Variants in MYOM1 observed in about 807,000 individuals in gnomAD.
MYOM1 encodes the protein myomesin-1.
A neutral mutation model predicts 205.3 loss-of-function variants in MYOM1; 164 were observed. The observed-to-expected ratio is 0.80, with a 90% CI of 0.70 to 0.91. MYOM1 has a LOEUF of 0.91. Ranked by LOEUF, MYOM1 falls within the 40% of genes least tolerant of loss-of-function variation. The probability of loss-of-function intolerance (pLI) is 0.00; values close to 1 mark genes in which losing one functional copy is unlikely to be tolerated. For missense variants in MYOM1, 2,011 were observed against 2,127.3 expected (o/e 0.95, Z 1.08); for synonymous variants, 772 against 789.4 (o/e 0.98, Z 0.37).
chr18:3,123,848 A>G (rs1266472122), intron 19 of MYOM1, among the ~76,000 whole-genome samples: 2 of 146,658 alleles, frequency 1.4e-5, no homozygotes, highest in Non-Finnish European at 3.0e-5. Context: ...TTGAGACAGG[A>G]TCTCGCTCTG....
chr18:3,086,086 A>C lies in MYOM1; in HGVS notation c.4203T>G (p.Asp1401Glu). The C allele has an allele frequency of 1.2e-6, 2 of 1,611,984 alleles. No individual in the cohort carries two copies. The highest frequency in any genetic ancestry group is 1.7e-4 in the Middle Eastern group (1 of 6,058). The change falls in exon 30 of 38, where the codon GAT (aspartate) becomes GAG (glutamate). Residue 1401 changes from aspartate to glutamate, a missense_variant. Coordinates refer to ENST00000356443, the MANE Select transcript of MYOM1 (RefSeq NM_003803.4). ...WYKDEREISV[D>E]EKHDFKDGIC... ...TACCATCCTTAAAGTCATGCTTTTCATCCACTGATATCTCCCTCTCATCTT... is the reference window on the plus strand; with the variant it reads ...TACCATCCTTAAAGTCATGCTTTTCCTCCACTGATATCTCCCTCTCATCTT...
chr18:3,199,789 G>C (rs891027588), intron 2 of MYOM1, among the ~76,000 whole-genome samples: 40 of 152,058 alleles, frequency 2.6e-4, no homozygotes, highest in African/African-American at 9.2e-4. Context: ...GCAGCGAGCT[G>C]AGATCGTGCC....
chr18:3,111,668 C>G (rs1008730535), intron 22 of MYOM1, among the ~76,000 whole-genome samples: 1 of 152,040 alleles, frequency 6.6e-6, no homozygotes, highest in Non-Finnish European at 1.5e-5. Flanking sequence ...ATGCATATAA[C>G]GCATCACATT....
At chr18:3,243,196 G>T in the MYOM1 span, among the ~76,000 whole-genome samples, 5 of 151,956 alleles carry the variant, frequency 3.3e-5, no homozygotes, top group African/African-American at 1.2e-4. Context: ...TTATGTAAAC[G>T]CTTATTCATT....
At chr18:3,186,518 A>T (rs1318272928) in intron 5 of MYOM1, among the ~76,000 whole-genome samples, 1 of 152,208 alleles carries the variant, frequency 6.6e-6, no homozygotes, top group African/African-American at 2.4e-5. Flanking sequence ...TGTGACAGGA[A>T]AGTTCTCAGG....
At chr18:3,085,869 A>G (rs2079147156) in intron 30 of MYOM1, among the ~76,000 whole-genome samples, 169 bp downstream of exon 30, 1 of 152,200 alleles carries the variant, frequency 6.6e-6, no homozygotes, top group Admixed American at 6.5e-5. Flanking sequence ...TACCTAACAA[A>G]TCCACACACA....
chr18:3,079,252 G>A lies in MYOM1; in HGVS notation c.4575C>T (p.Asp1525=), dbSNP rs1242389215. The stretch of plus-strand genomic sequence containing the variant: ...AGAGCTCCATGACATACTTCCCTTT[G>A]TCATTCGGGGTGGGCTCGTTGATTT... ...WLQINEPTPN[D]KGKYVMELFD... is the part of the protein sequence containing the mutation. The change falls in exon 34 of 38, where the codon GAC becomes GAT. Residue 1525 remains aspartate (D), a synonymous_variant. Coordinates refer to ENST00000356443, the MANE Select transcript of MYOM1 (RefSeq NM_003803.4). 1 of 1,613,778 alleles carries A rather than the reference G, an allele frequency of 6.2e-7. No homozygotes were observed. The highest frequency in any genetic ancestry group is 1.3e-5 in the African/African-American group (1 of 74,900).
At chr18:3,087,447 G>C (rs2079166659) in intron 29 of MYOM1, among the ~76,000 whole-genome samples, 1 of 151,420 alleles carries the variant, frequency 6.6e-6, no homozygotes, top group African/African-American at 2.4e-5. Flanking sequence ...TCCTGAGGGA[G>C]AGGAAGGTCC....
chr18:3,081,846 T>C (rs926513389), intron 33 of MYOM1, among the ~76,000 whole-genome samples: 19 of 152,252 alleles, frequency 1.2e-4, no homozygotes, highest in Non-Finnish European at 2.4e-4. Flanking sequence ...CACTGTTTTA[T>C]ATAACAGTAA....
At chr18:3,125,304 T>G (rs2079762740) in intron 19 of MYOM1, among the ~76,000 whole-genome samples, 1 of 152,180 alleles carries the variant, frequency 6.6e-6, no homozygotes, top group African/African-American at 2.4e-5. Flanking sequence ...CATAGCTACT[T>G]TGCTTGATGT....
rs532443888 is a variant in MYOM1 at position 3,129,446 on chromosome 18, G to A, written c.2580C>T (p.Arg860=). Residue 860 remains arginine (R), a synonymous_variant, in exon 18 of 38, where the codon CGC becomes CGT. Transcript: ENST00000356443. ...AGGTTGGCGGGGAGGCTTCATGCAC[G>A]CGCCCCCTGGAGGCGGTTAGTCCAC... ...EPGGLTASRG[R]VHEASPPTFQ... is the part of the protein sequence containing the mutation. 47 of 1,613,930 alleles carry A rather than the reference G, an allele frequency of 2.9e-5. 1 individual carries two copies. The highest frequency in any genetic ancestry group is 2.5e-4 in the African/African-American group (19 of 75,048).
chr18:3,147,104 A>C (rs2080136707), intron 13 of MYOM1, among the ~76,000 whole-genome samples: 1 of 142,310 alleles, frequency 7.0e-6, no homozygotes. Context: ...ATAGATAAAT[A>C]TATATATTTA....
the MYOM1 span, among the ~76,000 whole-genome samples, chr18:3,232,374 A>G: frequency 2.0e-5 from 3 of 152,038 alleles, no homozygotes; most frequent in African/African-American, 7.2e-5. Context: ...ATCAATAACC[A>G]CTTTACTAGT....
At chr18:3,159,207 A>G (rs2080345933) in intron 10 of MYOM1, among the ~76,000 whole-genome samples, 1 of 152,198 alleles carries the variant, frequency 6.6e-6, no homozygotes, top group Admixed American at 6.5e-5. Context: ...TTAAATTTAT[A>G]TTATCTATTT....
Position 3,135,615 on chromosome 18 carries a change from C to G in MYOM1, c.2141G>C (p.Cys714Ser), listed in dbSNP as rs755801717. Residue 714 changes from cysteine (C) to serine (S), a missense_variant, in exon 15 of 38, where the codon TGT (cysteine) becomes TCT (serine). By Grantham distance (112) the Cys-to-Ser change is moderately radical. Coordinates refer to ENST00000356443, the MANE Select transcript of MYOM1 (RefSeq NM_003803.4). This position sits in a 1 kb window ranked among gnomAD's most constrained non-coding sequence, Gnocchi z 4.1. ...CTCACCAACTCCTGCAGAATTAGAACAGCGGACACGGAAACAGTAGGATTT... is the reference window on the plus strand; with the variant it reads ...CTCACCAACTCCTGCAGAATTAGAAGAGCGGACACGGAAACAGTAGGATTT... Reference protein sequence around the residue: ...EGKSYCFRVRCSNSAGVGEPS... With the variant: ...EGKSYCFRVRSSNSAGVGEPS... 16 of 1,613,764 alleles carry G rather than the reference C, an allele frequency of 9.9e-6. No homozygotes were observed. The highest frequency in any genetic ancestry group is 1.2e-5 in the Non-Finnish European group (14 of 1,179,890).
rs780023288 is a variant in MYOM1, at chr18:3,214,995, C to A, written c.229G>T (p.Ala77Ser). ...SSSQQQASQH[A>S]LSSEVSRKAA... ...TTCCGACTGACTTCAGAGCTCAGGG[C>A]GTGCTGCGAGGCCTGCTGCTGGGAG... Residue 77 changes from alanine to serine, a missense_variant, in exon 2 of 38, where the codon GCC becomes TCC. Transcript: ENST00000356443. The A allele has an allele frequency of 1.9e-6, 3 of 1,611,600 alleles. No individual in the cohort carries two copies. Among genetic ancestry groups the A allele is most frequent in the African/African-American group, 2.7e-5 (2 of 74,954 alleles).
At chr18:3,082,667 C>T (rs2079097891) in intron 33 of MYOM1, among the ~76,000 whole-genome samples, 1 of 152,106 alleles carries the variant, frequency 6.6e-6, no homozygotes, top group South Asian at 2.1e-4. Context: ...CTTTGCCAGG[C>T]CTCCGTTCTC....
chr18:3,190,408 G>T (rs535959226), intron 3 of MYOM1: 1 of 152,266 alleles, frequency 6.6e-6, no homozygotes, highest in South Asian at 2.1e-4. Flanking sequence ...AATCTATGCT[G>T]CTTGCTGAGG....
rs773064327 is a variant in MYOM1, at chr18:3,215,153, C to T, written c.71G>A (p.Ser24Asn). The change falls in exon 2 of 38, where the codon AGC becomes AAC. Residue 24 changes from serine (S) to asparagine (N), a missense_variant. Transcript: ENST00000356443. The part of the protein sequence containing the change: ...DLSYRNKDVR[S>N]TVSHYQREKK... ...CTCCCGCTGGTAGTGACTCACGGTG[C>T]TGCGCACGTCCTTGTTGCGGTAGCT... 1 of 1,613,762 alleles carries T rather than the reference C, an allele frequency of 6.2e-7. No homozygotes were observed. Among genetic ancestry groups the T allele is most frequent in the African/African-American group, 1.3e-5 (1 of 75,060 alleles).
Sources: allele counts gnomAD v4.1 joint callset (sites outside exome capture counted in the v4.1 genomes callset), GRCh38; gene constraint gnomAD v4.1.1; non-coding constraint Gnocchi (gnomAD v3.1); transcripts MANE v1.5; gene names NCBI Gene and HGNC (gene_info 2026-07-23, HGNC 2026-07-21).